CA9: variants seen among roughly 807,000 people sequenced by gnomAD.
CA9 encodes the protein CA-IX.
A neutral mutation model predicts 51.8 loss-of-function variants in CA9; 43 were observed. The observed-to-expected ratio is 0.83, with a 90% CI of 0.65 to 1.07. CA9 has a LOEUF of 1.07. Among genes scored for constraint, CA9 ranks in the 50% least tolerant of loss-of-function variants. The pLI, the probability that CA9 is intolerant of heterozygous loss-of-function variation, is 0.00. For synonymous variants in CA9, 253 were observed against 244.2 expected (o/e 1.04, Z -0.34); for missense variants, 574 against 581.4 (o/e 0.99, Z 0.13).
At chr9:35,674,718 G>C (rs2131834219) in intron 1 of CA9, 1 of 191,848 alleles carries the variant, frequency 5.2e-6, no homozygotes, top group East Asian at 1.4e-4. Flanking sequence ...GAAGAGAAAA[G>C]GAAAGCTTGG....
At chr9:35,678,570 TCTA>T (rs1293045835) in intron 6 of CA9, among the ~76,000 whole-genome samples, 1 of 152,096 alleles carries the variant, frequency 6.6e-6, no homozygotes, top group Non-Finnish European at 1.5e-5. Flanking sequence ...TCTCACTTAC[TCTA>T]CTAGACCTTT....
intron 1 of CA9, 147 bp from the exon 2 acceptor site, chr9:35,675,391 G>T (rs1287148098): frequency 2.5e-6 from 2 of 797,496 alleles, no homozygotes; most frequent in East Asian, 5.1e-5. Flanking sequence ...GTTTGGGTGC[G>T]GTCTCCTGTG....
At position 35,674,289 on chromosome 9, in the gene CA9, A is replaced by G. The variant is rs1246594847; in HGVS notation, c.330A>G (p.Leu110=). 1 of 1,614,202 alleles carries G rather than the reference A, an allele frequency of 6.2e-7. No individual in the cohort carries two copies. Among genetic ancestry groups the G allele is most frequent in the East Asian group, 2.2e-5 (1 of 44,884 alleles). Residue 110 remains leucine (L), a synonymous_variant, in exon 1 of 11, where the codon TTA becomes TTG. Coordinates refer to ENST00000378357, the MANE Select transcript of CA9 (RefSeq NM_001216.3). ...CAGAAGAAGAGGGCTCCCTGAAGTT[A>G]GAGGATCTACCTACTGTTGAGGCTC... ...PKSEEEGSLK[L]EDLPTVEAPG...
At position 35,676,130 on chromosome 9, in the gene CA9, A is replaced by G. The variant is rs1587944705; in HGVS notation, c.671A>G (p.Gln224Arg). 2 of 1,613,666 alleles carry G rather than the reference A, an allele frequency of 1.2e-6. No homozygotes were observed. ...LGPGREYRAL[Q>R]LHLHWGAAGR... ...CCCGGGCGGGAGTACCGGGCTCTGC[A>G]GCTGCATCTGCACTGGGGGGCTGCA... The change falls in exon 4 of 11, where the codon CAG becomes CGG. Residue 224 changes from glutamine (Q) to arginine (R), a missense_variant. Physicochemically the swap from Gln to Arg is conservative, Grantham distance 43. Transcript: ENST00000378357.
chr9:35,676,082 C>T lies in CA9; in HGVS notation c.623C>T (p.Pro208Leu), dbSNP rs1379520060. The T allele has an allele frequency of 6.2e-7, 1 of 1,613,148 alleles. No individual in the cohort carries two copies. Among genetic ancestry groups the T allele is most frequent in the African/African-American group, 1.3e-5 (1 of 74,870 alleles). Residue 208 changes from proline to leucine, a missense_variant, in exon 4 of 11, where the codon CCT becomes CTT. By Grantham distance (98) the Pro-to-Leu change is moderately conservative. Transcript: ENST00000378357. ...NGHSVQLTLP[P>L]GLEMALGPGR... ...TACGCAGTGCAACTGACCCTGCCTC[C>T]TGGGCTAGAGATGGCTCTGGGTCCC...
At position 35,675,560 on chromosome 9, in the gene CA9, C is replaced by T. The variant is rs142704043; in HGVS notation, c.426C>T (p.Arg142=). ...DKEGDDQSHW[R]YGGDPPWPRV... is the part of the protein sequence containing the mutation. ...CAGGGGATGACCAGAGTCATTGGCG[C>T]TATGGAGGTGAGACACCCACCCGCT... The change falls in exon 2 of 11, where the codon CGC becomes CGT. Residue 142 remains arginine, a synonymous_variant. Coordinates refer to ENST00000378357, the MANE Select transcript of CA9 (RefSeq NM_001216.3). The T allele has an allele frequency of 2.5e-6, 4 of 1,614,030 alleles. No individual in the cohort carries two copies. In the African/African-American group the frequency reaches 4.0e-5, roughly 16 times the overall value.
Sources: allele counts gnomAD v4.1 joint callset (sites outside exome capture counted in the v4.1 genomes callset), GRCh38; gene constraint gnomAD v4.1.1; transcripts MANE v1.5; gene names NCBI Gene and HGNC (gene_info 2026-07-23, HGNC 2026-07-21).